The following ZNF565 variants were observed in gnomAD, a reference collection of about 807,000 sequenced individuals.
ZNF565 encodes zinc finger protein 565.
In ZNF565, 27 loss-of-function variants were observed where a neutral mutation model predicts 39.4. That is an observed-to-expected ratio of 0.69 (90% CI 0.51 to 0.95). ZNF565 has a LOEUF of 0.95. Ranked by LOEUF, ZNF565 falls within the 40% of genes least tolerant of loss-of-function variation. The pLI is 0.00. For missense variants in ZNF565, 524 were observed against 621.1 expected (o/e 0.84, Z 1.66); for synonymous variants, 185 against 216.6 (o/e 0.85, Z 1.28).
downstream of ZNF565, chr19:36,182,139 A>G (rs1037015478): frequency 2.3e-5 from 5 of 215,718 alleles, no homozygotes; most frequent in Admixed American, 2.6e-4. Flanking sequence ...GGCATGAGCC[A>G]CCACGCCTGG....
chr19:36,245,457 C>T lies in ZNF565; in HGVS notation c.55+19G>A, dbSNP rs1223614063. 1 of 702,184 alleles carries T rather than the reference C, an allele frequency of 1.4e-6. No homozygotes were observed. The highest frequency in any genetic ancestry group is 2.6e-6 in the Non-Finnish European group (1 of 384,780). The allele number at this position is 702,184 out of a possible 1,614,324, so 43.5% of individuals were successfully genotyped here. A position where few individuals can be genotyped will look rare whatever the true frequency, so the allele number is the denominator to read the frequency against. ...CCGGATCACATTTCCCGTGGTCCACCGCGCATCTAGGAGGTTACCTGCGTC... is the reference window on the plus strand; with the variant it reads ...CCGGATCACATTTCCCGTGGTCCACTGCGCATCTAGGAGGTTACCTGCGTC... On this transcript the variant is annotated intron_variant, in intron 1 of 4. Transcript: ENST00000355114. The surrounding 1 kb of genome is among the most constrained non-coding windows in gnomAD (Gnocchi z 4.4).
chr19:36,186,042 G>T (rs1975286518), intron 4 of ZNF565, among the ~76,000 whole-genome samples: 1 of 149,760 alleles, frequency 6.7e-6, no homozygotes, highest in African/African-American at 2.5e-5. Context: ...TGTCTCCCAG[G>T]CTGGAGTACA....
At chr19:36,198,971 G>C (rs1416183478) in intron 2 of ZNF565, among the ~76,000 whole-genome samples, 1 of 152,060 alleles carries the variant, frequency 6.6e-6, no homozygotes, top group Non-Finnish European at 1.5e-5. Flanking sequence ...TTGAGGGGTT[G>C]GATACCCCAT....
chr19:36,193,384 C>T (rs1430129786), intron 4 of ZNF565, among the ~76,000 whole-genome samples: 1 of 151,796 alleles, frequency 6.6e-6, no homozygotes, highest in Non-Finnish European at 1.5e-5. Flanking sequence ...TGCCAAAGTG[C>T]TGGGATTACA....
chr19:36,201,540 T>C (rs1391039928), intron 2 of ZNF565, among the ~76,000 whole-genome samples: 1 of 151,892 alleles, frequency 6.6e-6, no homozygotes, highest in Admixed American at 6.6e-5. Context: ...AGTGGGGAAA[T>C]CTTGGCTTCC....
intron 1 of ZNF565, among the ~76,000 whole-genome samples, chr19:36,222,330 G>A (rs764623602): frequency 2.6e-5 from 4 of 152,246 alleles, no homozygotes; most frequent in East Asian, 1.9e-4. Context: ...AGTTAATCCC[G>A]TTGTTGAGCA....
At position 36,194,246 on chromosome 19, in the gene ZNF565, T is replaced by A. The variant is rs148406681; in HGVS notation, c.219A>T (p.Gly73=). ...GCCCTCGCTTACCTGGGCACCATGGTCCTGTCACATCATTTGCAATCATCC... is the reference window on the plus strand; with the variant it reads ...GCCCTCGCTTACCTGGGCACCATGGACCTGTCACATCATTTGCAATCATCC... ...EPWMIANDVT[G]PWCPDLESRC... The change falls in exon 4 of 5, where the codon GGA becomes GGT. Residue 73 remains glycine (G), a synonymous_variant. Transcript: ENST00000304116. 5 of 1,612,156 alleles carry A rather than the reference T, an allele frequency of 3.1e-6. No homozygotes were observed. The African/African-American group carries it at 6.7e-5, about 22-fold the overall frequency.
intron 4 of ZNF565, among the ~76,000 whole-genome samples, chr19:36,188,228 A>G (rs1462894375): frequency 6.6e-6 from 1 of 151,238 alleles, no homozygotes; most frequent in Non-Finnish European, 1.5e-5. Context: ...GGTGTTGTGC[A>G]CCTGTAGTCC....
chr19:36,227,381 C>G (rs969119184), intron 1 of ZNF565, among the ~76,000 whole-genome samples: 1 of 143,526 alleles, frequency 7.0e-6, no homozygotes, highest in African/African-American at 2.6e-5. Context: ...CAGAACGAGT[C>G]TCTGTCACAA....
chr19:36,244,467 G>T (rs1977847081), intron 1 of ZNF565, among the ~76,000 whole-genome samples: 1 of 152,204 alleles, frequency 6.6e-6, no homozygotes, highest in South Asian at 2.1e-4. Flanking sequence ...AGAATTGCTT[G>T]AACCTGGAAG....
chr19:36,217,510 C>G (rs1010330053), upstream of ZNF565, among the ~76,000 whole-genome samples: 5 of 152,080 alleles, frequency 3.3e-5, no homozygotes, highest in African/African-American at 1.2e-4. Flanking sequence ...TCTTTATATA[C>G]TGAGACAGAA....
At chr19:36,207,364 G>C (rs1235783431) in intron 1 of ZNF565, among the ~76,000 whole-genome samples, 2 of 151,996 alleles carry the variant, frequency 1.3e-5, no homozygotes, top group Non-Finnish European at 2.9e-5. Context: ...GTCAACAGAA[G>C]CCCTGTTTCT....
chr19:36,188,405 A>G (rs1222737388), intron 4 of ZNF565, among the ~76,000 whole-genome samples: 2 of 151,528 alleles, frequency 1.3e-5, no homozygotes, highest in Non-Finnish European at 2.9e-5. Flanking sequence ...AACAAAAAAC[A>G]AACAACTCCA....
chr19:36,190,337 G>A (rs1359779910), intron 4 of ZNF565, among the ~76,000 whole-genome samples: 1 of 151,830 alleles, frequency 6.6e-6, no homozygotes, highest in Non-Finnish European at 1.5e-5. Context: ...AGCACTTTGT[G>A]AGGCCGAGGA....
Position 36,182,329 on chromosome 19 carries a change from T to G in ZNF565, c.*137A>C. ...ACATTTATTTAATTTTCTTTGGGTGTGAGTTTTCTGATGTTCTATGATGGA... is the reference window on the plus strand; with the variant it reads ...ACATTTATTTAATTTTCTTTGGGTGGGAGTTTTCTGATGTTCTATGATGGA... On this transcript the variant is annotated 3_prime_UTR_variant, in exon 5 of 5. Transcript: ENST00000304116. 9.8e-5 allele frequency: 62 copies of G among 630,838 alleles called. No homozygotes were observed. The highest frequency in any genetic ancestry group is 1.3e-4 in the Non-Finnish European group (55 of 415,494). 39.1% of individuals were successfully genotyped at this position (630,838 alleles called of 1,614,324 possible). A position where few individuals can be genotyped will look rare whatever the true frequency, so the allele number is the denominator to read the frequency against.
Position 36,182,546 on chromosome 19 carries a change from G to A in ZNF565, c.1420C>T (p.Pro474Ser). ...TGCCCACACTCTCTACATTCGTAAG[G>A]TTTGATACCAGGATGAATTCTCTGA... ...EHQRIHPGIK[P>S]YECRECGQAF... The change falls in exon 5 of 5, where the codon CCT becomes TCT. Residue 474 changes from proline to serine, a missense_variant. Pro to Ser is a moderately conservative substitution (Grantham distance 74). Coordinates refer to ENST00000304116, the MANE Select transcript of ZNF565 (RefSeq NM_152477.5). The A allele has an allele frequency of 6.2e-7, 1 of 1,613,222 alleles. No individual in the cohort carries two copies. Among genetic ancestry groups the A allele is most frequent in the Non-Finnish European group, 8.5e-7 (1 of 1,179,510 alleles).
intron 1 of ZNF565, among the ~76,000 whole-genome samples, chr19:36,219,775 T>C (rs1341155113): frequency 6.6e-6 from 1 of 152,166 alleles, no homozygotes; most frequent in African/African-American, 2.4e-5. Context: ...TTGTTGTTGT[T>C]GTTTGTTTGT....
intron 1 of ZNF565, chr19:36,236,367 A>G: frequency 6.6e-7 from 1 of 1,512,746 alleles, no homozygotes; most frequent in Non-Finnish European, 8.9e-7. Context: ...ATCTTCAGCC[A>G]AAAGTAAATC....
intron 4 of ZNF565, among the ~76,000 whole-genome samples, chr19:36,185,413 CAAAAA>C (rs964502449): frequency 3.5e-5 from 2 of 57,126 alleles, no homozygotes; most frequent in African/African-American, 6.6e-5. Context: ...AACTCTGTCT[CAAAAA>C]AAAAAAAAAA....
Sources: gnomAD v4.1 joint callset for allele counts (sites outside exome capture counted in the v4.1 genomes callset) on GRCh38, gnomAD v4.1.1 for gene constraint, Gnocchi (gnomAD v3.1) non-coding constraint, MANE v1.5 for transcripts, NCBI Gene and HGNC (gene_info 2026-07-23, HGNC 2026-07-21) for gene names.